ZBTB20: variants seen among roughly 807,000 people sequenced by gnomAD.
ZBTB20 encodes zinc finger and BTB domain containing 20.
ZBTB20 carries 9 observed loss-of-function variants against 56.9 expected under a neutral mutation model. The ratio of observed to expected loss-of-function variants is 0.16; its 90% CI spans 0.10 to 0.28. The LOEUF (loss-of-function observed/expected upper bound fraction) is 0.28, where lower values mean the gene tolerates loss of function less well. ZBTB20 is among the 10% of genes least tolerant of loss of function. The pLI is 1.00. For synonymous variants in ZBTB20, 417 were observed against 420.7 expected (o/e 0.99, Z 0.11); for missense variants, 655 against 1,003.0 (o/e 0.65, Z 4.69).
intron 4 of ZBTB20, among the ~76,000 whole-genome samples, chr3:114,813,171 C>G (rs1259844359): frequency 6.6e-6 from 1 of 152,250 alleles, no homozygotes; most frequent in African/African-American, 2.4e-5. Flanking sequence ...AGGAGGCGCC[C>G]AGAGCAGCCA....
At chr3:114,963,826 T>G (rs2077542373) in intron 3 of ZBTB20, among the ~76,000 whole-genome samples, 1 of 152,106 alleles carries the variant, frequency 6.6e-6, no homozygotes, top group African/African-American at 2.4e-5. Flanking sequence ...TTTTGTTTCC[T>G]TACTGAAACT....
At chr3:114,713,195 A>T (rs1316889373) in intron 5 of ZBTB20, among the ~76,000 whole-genome samples, 1 of 152,042 alleles carries the variant, frequency 6.6e-6, no homozygotes, top group Non-Finnish European at 1.5e-5. Flanking sequence ...ATTATAGTCA[A>T]ATACATTAAT....
Position 114,338,981 on chromosome 3 carries a change from A to G in ZBTB20, c.*24T>C. 1 of 1,485,968 alleles carries G rather than the reference A, an allele frequency of 6.7e-7. No individual in the cohort carries two copies. Among genetic ancestry groups the G allele is most frequent in the Non-Finnish European group, 9.0e-7 (1 of 1,115,012 alleles). 92.0% of individuals were successfully genotyped at this position (1,485,968 alleles called of 1,614,324 possible). ...TTTTTGTTGTTGTTTTGTTTTGTTC[A>G]TAAGAAAGAGAGAAAGATACTACTT... On this transcript the variant is annotated 3_prime_UTR_variant, in exon 12 of 12. Transcript: ENST00000675478.
chr3:114,684,575 T>C (rs560847626), intron 6 of ZBTB20: 1 of 152,310 alleles, frequency 6.6e-6, no homozygotes, highest in Non-Finnish European at 1.5e-5. Flanking sequence ...CTATTTACTT[T>C]AGGTAACCCT....
intron 4 of ZBTB20, among the ~76,000 whole-genome samples, chr3:114,846,952 G>A (rs994595109): frequency 1.3e-5 from 2 of 152,102 alleles, no homozygotes; most frequent in South Asian, 2.1e-4. Flanking sequence ...CACTCCCAGC[G>A]CTGTCACCAG....
intron 7 of ZBTB20, among the ~76,000 whole-genome samples, chr3:114,488,825 T>C (rs2042420031): frequency 6.6e-6 from 1 of 152,204 alleles, no homozygotes; most frequent in African/African-American, 2.4e-5. Context: ...CAACTGTCCA[T>C]CAATAAGTGA....
chr3:114,823,722 T>C (rs967252747), intron 4 of ZBTB20, among the ~76,000 whole-genome samples: 1 of 152,104 alleles, frequency 6.6e-6, no homozygotes, highest in African/African-American at 2.4e-5. Flanking sequence ...TAAGTTCACA[T>C]ACTACTCACT....
At chr3:114,424,545 T>TTTGGC (rs1326314149) in intron 7 of ZBTB20, among the ~76,000 whole-genome samples, 2 of 152,338 alleles carry the variant, frequency 1.3e-5, no homozygotes, top group East Asian at 3.9e-4. Flanking sequence ...GCTATTCTAA[T>TTTGGC]GCCAAAGCTG....
At position 114,751,650 on chromosome 3, in the gene ZBTB20, A is replaced by G. The variant is rs1164625189; in HGVS notation, c.-343+49451T>C. Among the ~76,000 whole-genome samples the G allele has an allele frequency of 2.6e-5, 4 of 152,278 alleles. No homozygotes were observed. In the East Asian group the frequency reaches 7.7e-4, roughly 29 times the overall value. ...AGAAAGGTGGCACTATCTGGAAAACATAAGAGCGTTGGATTTACAAGTTTC... is the reference window on the plus strand; with the variant it reads ...AGAAAGGTGGCACTATCTGGAAAACGTAAGAGCGTTGGATTTACAAGTTTC... On this transcript the variant is annotated intron_variant, in intron 5 of 11. Coordinates refer to ENST00000675478, the MANE Select transcript of ZBTB20 (RefSeq NM_001348800.3).
chr3:114,966,262 G>C (rs1375386590), intron 3 of ZBTB20, among the ~76,000 whole-genome samples: 2 of 151,882 alleles, frequency 1.3e-5, no homozygotes, highest in Non-Finnish European at 2.9e-5. Context: ...GGTAACTCCA[G>C]GTTCAAAGAT....
At chr3:114,932,731 A>G (rs1387174693) in intron 3 of ZBTB20, among the ~76,000 whole-genome samples, 1 of 152,220 alleles carries the variant, frequency 6.6e-6, no homozygotes, top group Non-Finnish European at 1.5e-5. Context: ...GAAAGGATGG[A>G]AGGCAGAAAA....
intron 7 of ZBTB20, among the ~76,000 whole-genome samples, chr3:114,478,334 A>G (rs996044365): frequency 2.0e-5 from 3 of 152,196 alleles, no homozygotes; most frequent in African/African-American, 4.8e-5. Context: ...TTTTGGTCCA[A>G]TTTTGGATGT....
At chr3:114,893,549 T>C (rs1008696534) in intron 4 of ZBTB20, among the ~76,000 whole-genome samples, 2 of 152,156 alleles carry the variant, frequency 1.3e-5, no homozygotes, top group African/African-American at 4.8e-5. Context: ...TGAATAACAA[T>C]AAGCCTGTGG....
chr3:114,444,412 T>C (rs1237083515), intron 7 of ZBTB20, among the ~76,000 whole-genome samples: 3 of 152,118 alleles, frequency 2.0e-5, no homozygotes, highest in Non-Finnish European at 1.5e-5. Flanking sequence ...TCACACATAT[T>C]TGTCCCTGCC....
chr3:114,710,979 CAATA>C (rs1219683503), intron 5 of ZBTB20, among the ~76,000 whole-genome samples: 1 of 152,154 alleles, frequency 6.6e-6, no homozygotes, highest in Non-Finnish European at 1.5e-5. Flanking sequence ...AAAGTCTTTA[CAATA>C]TCCATCCCCT....
At chr3:114,472,177 G>T (rs1027615614) in intron 7 of ZBTB20, among the ~76,000 whole-genome samples, 2 of 152,168 alleles carry the variant, frequency 1.3e-5, no homozygotes, top group Admixed American at 1.3e-4. Context: ...ACTAAAATTG[G>T]TTGCTAATTT....
rs1490251434 is a variant in ZBTB20, at chr3:115,015,305, TA to T, written c.-506-40890del. 4.0e-5 allele frequency among the ~76,000 whole-genome samples: 6 copies of T among 151,864 alleles called. No homozygotes were observed. The East Asian group carries it at 9.7e-4, about 25-fold the overall frequency. On this transcript the variant is annotated intron_variant, in intron 2 of 11. Transcript: ENST00000675478. ...AATAAAGTTATTTTGGACTGATAAA[TA>T]TTTTTTTCAACTTTCAAAAGTTCCA...
chr3:114,500,819 T>A (rs908864691), intron 6 of ZBTB20, among the ~76,000 whole-genome samples: 1 of 152,236 alleles, frequency 6.6e-6, no homozygotes, highest in Non-Finnish European at 1.5e-5. Context: ...TCATTTCAAG[T>A]GCTCAATACC....
chr3:114,662,173 C>T (rs1449857816), intron 6 of ZBTB20, among the ~76,000 whole-genome samples: 6 of 151,036 alleles, frequency 4.0e-5, no homozygotes, highest in Admixed American at 6.6e-5. Flanking sequence ...TTTGTTCTTG[C>T]GATAGTTTAC....
Sources: gnomAD v4.1 joint callset for allele counts (sites outside exome capture counted in the v4.1 genomes callset) on GRCh38, gnomAD v4.1.1 for gene constraint, MANE v1.5 for transcripts, NCBI Gene and HGNC (gene_info 2026-07-23, HGNC 2026-07-21) for gene names.